PDGFC: variants seen among roughly 807,000 people sequenced by gnomAD.
PDGFC encodes platelet derived growth factor C, also known as platelet-derived growth factor C.
PDGFC carries 12 observed loss-of-function variants against 35.5 expected under a neutral mutation model. The observed-to-expected ratio is 0.34, with a 90% CI of 0.22 to 0.55. The LOEUF (loss-of-function observed/expected upper bound fraction) is 0.55. Among genes scored for constraint, PDGFC ranks in the 20% least tolerant of loss-of-function variants. PDGFC has a pLI of 0.91. For synonymous variants in PDGFC, 159 were observed against 148.8 expected, an observed-to-expected ratio of 1.07 and a Z score of -0.50; for missense variants, 322 against 412.4, an observed-to-expected ratio of 0.78 and a Z score of 1.90.
At chr4:156,951,575 T>C (rs1211524843) in intron 1 of PDGFC, among the ~76,000 whole-genome samples, 1 of 151,654 alleles carries the variant, frequency 6.6e-6, no homozygotes, top group Non-Finnish European at 1.5e-5. Context: ...AATATAAATT[T>C]ATCAAACACA....
At chr4:156,826,150 C>A (rs1200751270) in intron 2 of PDGFC, among the ~76,000 whole-genome samples, 2 of 143,448 alleles carry the variant, frequency 1.4e-5, no homozygotes, top group African/African-American at 2.6e-5. Context: ...CAGTCATGAG[C>A]CACCATATCC....
In PDGFC at chr4:156,903,755, C is replaced by CA. The variant is rs1257553690; in HGVS notation, c.119-53340dup. Among the ~76,000 whole-genome samples the CA allele has an allele frequency of 7.2e-5, 11 of 152,172 alleles. No individual in the cohort carries two copies. In the East Asian group the frequency reaches 1.9e-3, roughly 27 times the overall value. ...TCTTCCCAAATACCAGCCAACAATC[C>CA]ATTTCTGTAAAACGAGTAATTCTGT... is the stretch of plus-strand genomic sequence containing the variant. On this transcript the variant is annotated intron_variant, in intron 1 of 5. Transcript: ENST00000502773.
Position 156,763,258 on chromosome 4 carries a change from C to T in PDGFC, c.922-52G>A, listed in dbSNP as rs570091830. On this transcript the variant is annotated intron_variant, in intron 5 of 5. Transcript: ENST00000502773. ...TTTAAAAATCAACGAATGTCTATGACTGGCTTTTATAAACAAGTAACGTTT... is the reference window on the plus strand; with the variant it reads ...TTTAAAAATCAACGAATGTCTATGATTGGCTTTTATAAACAAGTAACGTTT... The T allele has an allele frequency of 1.0e-5, 9 of 882,328 alleles. No individual in the cohort carries two copies. In the Admixed American group the frequency reaches 1.5e-4, roughly 15 times the overall value. The allele number at this position is 882,328 out of a possible 1,614,324, so 54.7% of individuals were successfully genotyped here.
chr4:156,971,415 C>G lies in PDGFC; in HGVS notation c.-512G>C, dbSNP rs1366529455. 1 of 387,964 alleles carries G rather than the reference C, an allele frequency of 2.6e-6. No individual in the cohort carries two copies. Among genetic ancestry groups the G allele is most frequent in the African/African-American group, 2.1e-5 (1 of 48,102 alleles). The allele number at this position is 387,964 out of a possible 1,614,324, so 24.0% of individuals were successfully genotyped here. A position where few individuals can be genotyped will look rare whatever the true frequency, so the allele number is the denominator to read the frequency against. ...CGGGCGCCCCTCTCCCCCGCCCCAC[C>G]CCCCACCCCCGAAGGGGGAGGGGGA... On this transcript the variant is annotated 5_prime_UTR_variant, in exon 1 of 6. Coordinates refer to ENST00000502773, the MANE Select transcript of PDGFC (RefSeq NM_016205.3).
intron 2 of PDGFC, among the ~76,000 whole-genome samples, chr4:156,825,018 T>C (rs1476394790): frequency 6.6e-6 from 1 of 152,184 alleles, no homozygotes; most frequent in East Asian, 1.9e-4. Flanking sequence ...ATCACCGCAT[T>C]ATTGAAAGAA....
chr4:156,804,691 G>A (rs1274863670), intron 3 of PDGFC, among the ~76,000 whole-genome samples: 1 of 151,888 alleles, frequency 6.6e-6, no homozygotes, highest in Non-Finnish European at 1.5e-5. Flanking sequence ...TGATAATTAA[G>A]GGATTTAGGG....
At chr4:156,924,384 C>T (rs1310706366) in intron 1 of PDGFC, among the ~76,000 whole-genome samples, 1 of 152,022 alleles carries the variant, frequency 6.6e-6, no homozygotes, top group African/African-American at 2.4e-5. Context: ...AAGAAAAATA[C>T]CCTGCTTTCC....
At chr4:156,879,786 T>C (rs1480069343) in intron 1 of PDGFC, among the ~76,000 whole-genome samples, 4 of 152,180 alleles carry the variant, frequency 2.6e-5, no homozygotes, top group Admixed American at 6.5e-5. Flanking sequence ...CAAAGTAAAA[T>C]TGTCAATTAC....
chr4:156,920,674 C>T (rs1302043116), intron 1 of PDGFC, among the ~76,000 whole-genome samples: 1 of 151,002 alleles, frequency 6.6e-6, no homozygotes, highest in African/African-American at 2.5e-5. Context: ...CACACACACA[C>T]ACACACACAC....
At chr4:156,875,553 T>TG (rs1354511662) in intron 1 of PDGFC, among the ~76,000 whole-genome samples, 4 of 152,072 alleles carry the variant, frequency 2.6e-5, no homozygotes, top group Admixed American at 6.5e-5. Context: ...ATGAAGACTA[T>TG]GAAAAAAATG....
intron 1 of PDGFC, among the ~76,000 whole-genome samples, chr4:156,926,902 C>G (rs1731429387): frequency 1.3e-5 from 2 of 152,206 alleles, no homozygotes; most frequent in Non-Finnish European, 2.9e-5. Flanking sequence ...CCCCACATTT[C>G]TCTTCCACAC....
intron 1 of PDGFC, among the ~76,000 whole-genome samples, chr4:156,950,685 A>G (rs1732059133): frequency 6.6e-6 from 1 of 151,800 alleles, no homozygotes; most frequent in South Asian, 2.1e-4. Flanking sequence ...CCTCTCCACT[A>G]TAGTTCAATA....
At chr4:156,822,130 C>T (rs955031333) in intron 2 of PDGFC, among the ~76,000 whole-genome samples, 3 of 151,922 alleles carry the variant, frequency 2.0e-5, no homozygotes, top group Non-Finnish European at 2.9e-5. Flanking sequence ...GAGGCCAAGG[C>T]GGGTAGATCA....
At chr4:156,920,212 G>A (rs1731240850) in intron 1 of PDGFC, among the ~76,000 whole-genome samples, 1 of 152,154 alleles carries the variant, frequency 6.6e-6, no homozygotes, top group Admixed American at 6.5e-5. Context: ...TCAGTCTCAA[G>A]TATTCCTTTA....
intron 2 of PDGFC, among the ~76,000 whole-genome samples, chr4:156,835,232 A>G (rs1386626862): frequency 1.3e-5 from 2 of 152,174 alleles, no homozygotes; most frequent in Non-Finnish European, 2.9e-5. Context: ...AAATCATGAG[A>G]TAATGAAAAT....
At chr4:156,933,679 T>C (rs1731606211) in intron 1 of PDGFC, among the ~76,000 whole-genome samples, 1 of 152,202 alleles carries the variant, frequency 6.6e-6, no homozygotes, top group Non-Finnish European at 1.5e-5. Context: ...TCTCAAATTG[T>C]AATCCCCACA....
chr4:156,794,266 C>G (rs1390441796), intron 3 of PDGFC, among the ~76,000 whole-genome samples: 1 of 152,078 alleles, frequency 6.6e-6, no homozygotes, highest in Non-Finnish European at 1.5e-5. Context: ...TCAGGACATG[C>G]TCTATATTGG....
At chr4:156,808,809 G>A (rs1731846226) in intron 3 of PDGFC, among the ~76,000 whole-genome samples, 1 of 152,158 alleles carries the variant, frequency 6.6e-6, no homozygotes, top group South Asian at 2.1e-4. Context: ...GAATGTGGCT[G>A]TAAGTAGAGA....
intron 3 of PDGFC, among the ~76,000 whole-genome samples, chr4:156,787,028 T>G (rs554008799): frequency 6.6e-6 from 1 of 152,176 alleles, no homozygotes; most frequent in African/African-American, 2.4e-5. Flanking sequence ...CTAGGTTACA[T>G]GGGCTAGATA....
Sources: allele counts gnomAD v4.1 joint callset (sites outside exome capture counted in the v4.1 genomes callset), GRCh38; gene constraint gnomAD v4.1.1; transcripts MANE v1.5; gene names NCBI Gene and HGNC (gene_info 2026-07-23, HGNC 2026-07-21).